ALK: variants seen among roughly 807,000 people sequenced by gnomAD.
The protein encoded by ALK is ALK receptor tyrosine kinase.
ALK carries 74 observed loss-of-function variants against 163.1 expected under a neutral mutation model. The observed-to-expected ratio is 0.45, with a 90% CI of 0.38 to 0.55. The LOEUF (loss-of-function observed/expected upper bound fraction) is 0.55, where lower values mean the gene tolerates loss of function less well. Ranked by LOEUF, ALK falls within the 20% of genes least tolerant of loss-of-function variation. The pLI, the probability that ALK is intolerant of heterozygous loss-of-function variation, is 0.00. For missense variants in ALK, 2,063 were observed against 2,105.3 expected (o/e 0.98, Z 0.39); for synonymous variants, 960 against 843.2 (o/e 1.14, Z -2.40).
chr2:29,228,855 G>A (rs776984279), intron 16 of ALK, 29 bp downstream of exon 16: 1 of 1,478,490 alleles, frequency 6.8e-7, no homozygotes, highest in Non-Finnish European at 9.5e-7. Flanking sequence ...CAGGGAGGGA[G>A]TGACACCTTG....
intron 28 of ALK, among the ~76,000 whole-genome samples, chr2:29,194,798 A>C (rs940797819): frequency 1.3e-5 from 2 of 151,962 alleles, no homozygotes; most frequent in African/African-American, 4.8e-5. Context: ...GATTACAGGC[A>C]TTCTTTAACT....
intron 4 of ALK, among the ~76,000 whole-genome samples, chr2:29,422,385 CACTCAGATGAA>C (rs1244265402): frequency 2.6e-5 from 4 of 151,304 alleles, no homozygotes; most frequent in African/African-American, 9.9e-5. Context: ...GGGTTCTACT[CACTCAGATGAA>C]ACCTCATCCC....
intron 3 of ALK, among the ~76,000 whole-genome samples, chr2:29,533,533 TA>T (rs34306477): frequency 0.25 from 37,711 of 152,120 alleles, 5,559 homozygotes; most frequent in Non-Finnish European, 0.33. Flanking sequence ...TACTTCAGCC[TA>T]AAACATGGCC....
intron 6 of ALK, among the ~76,000 whole-genome samples, chr2:29,324,653 G>A (rs1667195004): frequency 6.6e-6 from 1 of 152,202 alleles, no homozygotes; most frequent in African/African-American, 2.4e-5. Flanking sequence ...CCCATCTAGG[G>A]GATGAAATGG....
intron 1 of ALK, among the ~76,000 whole-genome samples, chr2:29,785,509 A>C (rs1663985210): frequency 6.6e-6 from 1 of 152,216 alleles, no homozygotes; most frequent in Non-Finnish European, 1.5e-5. Flanking sequence ...AATACATCTG[A>C]AAGATGATTC....
intron 8 of ALK, among the ~76,000 whole-genome samples, 200 bp from the exon 9 acceptor site, chr2:29,297,257 G>A (rs180968223): frequency 2.3e-4 from 35 of 152,276 alleles, no homozygotes; most frequent in African/African-American, 5.3e-4. Flanking sequence ...ATAACTGAAC[G>A]AATCTGTTAA....
At chr2:29,346,948 T>A (rs980247906) in intron 5 of ALK, among the ~76,000 whole-genome samples, 2 of 152,164 alleles carry the variant, frequency 1.3e-5, no homozygotes, top group African/African-American at 4.8e-5. Flanking sequence ...CACGCATAAA[T>A]CCTTACCCGA....
chr2:29,844,277 G>A (rs1314198962), intron 1 of ALK, among the ~76,000 whole-genome samples: 5 of 152,178 alleles, frequency 3.3e-5, no homozygotes, highest in Non-Finnish European at 7.3e-5. Flanking sequence ...GTGCTGTTGC[G>A]TGGCTAGACC....
chr2:29,653,074 G>C (rs955295554), intron 3 of ALK, among the ~76,000 whole-genome samples: 8 of 152,092 alleles, frequency 5.3e-5, no homozygotes, highest in Non-Finnish European at 8.8e-5. Flanking sequence ...AACCAGTGGA[G>C]TCTGACGCTG....
At chr2:29,786,497 T>C (rs1234470223) in intron 1 of ALK, among the ~76,000 whole-genome samples, 1 of 152,184 alleles carries the variant, frequency 6.6e-6, no homozygotes, top group Non-Finnish European at 1.5e-5. Context: ...CCTAGATGTG[T>C]GTTAAGAGCG....
At chr2:29,838,595 C>A (rs906976754) in intron 1 of ALK, among the ~76,000 whole-genome samples, 1 of 152,090 alleles carries the variant, frequency 6.6e-6, no homozygotes, top group African/African-American at 2.4e-5. Context: ...TAAAAAGGAA[C>A]AAACCACTGA....
intron 3 of ALK, among the ~76,000 whole-genome samples, chr2:29,691,742 T>C (rs1020093841): frequency 4.6e-5 from 7 of 152,194 alleles, no homozygotes; most frequent in Non-Finnish European, 7.3e-5. Flanking sequence ...ATTGTGCGCA[T>C]GTCAGCGATC....
intron 1 of ALK, among the ~76,000 whole-genome samples, chr2:29,804,864 C>T (rs1664568330): frequency 1.3e-5 from 2 of 152,156 alleles, no homozygotes; most frequent in Non-Finnish European, 2.9e-5. Context: ...ACTGTATTTA[C>T]TATAAATCCT....
At chr2:29,290,008 G>A (rs1043740371) in intron 9 of ALK, among the ~76,000 whole-genome samples, 5 of 152,206 alleles carry the variant, frequency 3.3e-5, no homozygotes, top group Admixed American at 2.0e-4. Flanking sequence ...GGGCTGTATT[G>A]CTTGTCTGGG....
intron 1 of ALK, among the ~76,000 whole-genome samples, chr2:29,834,591 T>C (rs1665509104): frequency 6.6e-6 from 1 of 152,110 alleles, no homozygotes; most frequent in Non-Finnish European, 1.5e-5. Flanking sequence ...TTTATCAGCT[T>C]AAAAATCAAG....
intron 1 of ALK, among the ~76,000 whole-genome samples, chr2:29,872,157 C>A (rs1203227203): frequency 6.6e-6 from 1 of 152,208 alleles, no homozygotes; most frequent in African/African-American, 2.4e-5. Flanking sequence ...AATATTTGAA[C>A]AATGACAGGG....
chr2:29,456,124 T>C (rs1457962169), intron 4 of ALK, among the ~76,000 whole-genome samples: 1 of 152,100 alleles, frequency 6.6e-6, no homozygotes, highest in Non-Finnish European at 1.5e-5. Context: ...CTGCTGGGAA[T>C]GTAAAATGGT....
chr2:29,201,092 G>GA (rs1157332043), intron 26 of ALK, among the ~76,000 whole-genome samples: 2,171 of 143,460 alleles, frequency 0.015, 44 homozygotes, highest in African/African-American at 0.05. Context: ...TATGATTAAA[G>GA]AAAAAAAAAA....
chr2:29,737,293 T>C (rs1354501429), intron 1 of ALK, among the ~76,000 whole-genome samples: 1 of 152,084 alleles, frequency 6.6e-6, no homozygotes, highest in Admixed American at 6.5e-5. Flanking sequence ...GGTAGCTTTG[T>C]TATATTTGTA....
Sources: gnomAD v4.1 joint callset for allele counts (sites outside exome capture counted in the v4.1 genomes callset) on GRCh38, gnomAD v4.1.1 for gene constraint, MANE v1.5 for transcripts, NCBI Gene and HGNC (gene_info 2026-07-23, HGNC 2026-07-21) for gene names.